MARF1: variants seen among roughly 807,000 people sequenced by gnomAD.
MARF1 encodes meiosis regulator and mRNA stability factor 1.
In MARF1, 24 loss-of-function variants were observed where a neutral mutation model predicts 168.2. The observed-to-expected ratio is 0.14, with a 90% CI of 0.10 to 0.20. The LOEUF is 0.20. Ranked by LOEUF, MARF1 falls within the 10% of genes least tolerant of loss-of-function variation. MARF1 has a pLI of 1.00. For missense variants in MARF1, 1,744 were observed against 2,143.6 expected (o/e 0.81, Z 3.68); for synonymous variants, 868 against 822.4 (o/e 1.06, Z -0.95).
At chr16:15,622,824 T>C in intron 11 of MARF1, 110 bp downstream of exon 11, 1 of 819,526 alleles carries the variant, frequency 1.2e-6, no homozygotes, top group Non-Finnish European at 1.8e-6. Context: ...TTCAAACTTG[T>C]TCAGTCACAC....
chr16:15,610,833 A>G, intron 19 of MARF1, 142 bp downstream of exon 19: 1 of 759,562 alleles, frequency 1.3e-6, no homozygotes, highest in Admixed American at 2.6e-5. Flanking sequence ...CAGAATCCAA[A>G]GAGCAGCAGT....
chr16:15,628,683 T>C (rs1444607915), intron 7 of MARF1, among the ~76,000 whole-genome samples: 1 of 152,184 alleles, frequency 6.6e-6, no homozygotes, highest in Non-Finnish European at 1.5e-5. Flanking sequence ...CCCAAAGTAC[T>C]GGGATTGCAG....
chr16:15,596,702 G>C lies in MARF1; in HGVS notation c.5220C>G (p.Thr1740=). 1 of 1,596,374 alleles carries C rather than the reference G, an allele frequency of 6.3e-7. No homozygotes were observed. The highest frequency in any genetic ancestry group is 8.6e-7 in the Non-Finnish European group (1 of 1,166,674). ...ATATTCCAAATGGGAGTTAAAGCTT[G>C]GTTATAGGTGCTAAGGAAAAGTTGG... ...LAANFSLAPI[T]KL The change falls in exon 27 of 27, where the codon ACC becomes ACG. Residue 1740 remains threonine, a synonymous_variant. Coordinates refer to ENST00000396368, the MANE Select transcript of MARF1 (RefSeq NM_014647.4).
intron 5 of MARF1, among the ~76,000 whole-genome samples, chr16:15,632,048 T>C (rs1051993934): frequency 6.6e-6 from 1 of 152,238 alleles, no homozygotes; most frequent in Non-Finnish European, 1.5e-5. Flanking sequence ...AAAATTCTTA[T>C]TACTATTGGG....
intron 2 of MARF1, among the ~76,000 whole-genome samples, chr16:15,637,499 A>G (rs770078072): frequency 7.2e-5 from 11 of 152,244 alleles, no homozygotes; most frequent in Admixed American, 2.6e-4. Flanking sequence ...TGACCAGCCA[A>G]TGAACTGCCC....
At chr16:15,620,556 G>C (rs1229941647) in intron 12 of MARF1, 25 bp from the exon 13 acceptor site, 21 of 1,472,342 alleles carry the variant, frequency 1.4e-5, no homozygotes, top group Non-Finnish European at 2.0e-5. Context: ...TTTGATTAGG[G>C]AACAGACCAT....
Position 15,617,390 on chromosome 16 carries a change from C to T in MARF1, c.2866G>A (p.Gly956Ser), listed in dbSNP as rs753997957. The change falls in exon 14 of 27, where the codon GGC (glycine) becomes AGC (serine). Residue 956 changes from glycine to serine, a missense_variant. By Grantham distance (56) the Gly-to-Ser change is moderately conservative. Around this residue, in one of 7 missense-constraint regions of MARF1, gnomAD observed 543 missense variants for 742.1 expected, o/e 0.73. Transcript: ENST00000396368. ...SPLGSSQSHD[G>S]SSTNCSPIIF... Reference sequence around the variant, plus strand: ...ATTGGGCTGCAATTCGTGGAGGAGCCGTCGTGTGACTGGGAAGACCCCAAG... The same window carrying T: ...ATTGGGCTGCAATTCGTGGAGGAGCTGTCGTGTGACTGGGAAGACCCCAAG... 9 of 1,614,000 alleles carry T rather than the reference C, an allele frequency of 5.6e-6. No individual in the cohort carries two copies. Among genetic ancestry groups the T allele is most frequent in the Admixed American group, 3.3e-5 (2 of 60,000 alleles).
intron 21 of MARF1, among the ~76,000 whole-genome samples, chr16:15,607,174 A>C (rs1244812041): frequency 6.6e-6 from 1 of 152,104 alleles, no homozygotes; most frequent in African/African-American, 2.4e-5. Flanking sequence ...TCCTCCAACC[A>C]ATCAGTACCT....
At chr16:15,602,532 TAAA>T (rs536701861) in intron 22 of MARF1, 39 of 516,632 alleles carry the variant, frequency 7.5e-5, no homozygotes, top group African/African-American at 1.6e-4. Flanking sequence ...AAGACGACGA[TAAA>T]GAAGACGAAG....
At chr16:15,630,268 G>T in intron 7 of MARF1, 64 bp downstream of exon 7, 1 of 1,472,326 alleles carries the variant, frequency 6.8e-7, no homozygotes, top group Non-Finnish European at 9.2e-7. Context: ...CCTTATTATG[G>T]GCTGTCTTTC....
chr16:15,619,067 G>A (rs2034269115), intron 13 of MARF1, among the ~76,000 whole-genome samples: 1 of 152,154 alleles, frequency 6.6e-6, no homozygotes, highest in Admixed American at 6.5e-5. Context: ...CTTGAAGCCA[G>A]GAGTTCAAGA....
At chr16:15,632,009 C>T (rs888102243) in intron 5 of MARF1, among the ~76,000 whole-genome samples, 1 of 152,082 alleles carries the variant, frequency 6.6e-6, no homozygotes, top group Non-Finnish European at 1.5e-5. Flanking sequence ...TGATGTCTGC[C>T]CATATTTTAA....
chr16:15,617,285 A>G lies in MARF1; in HGVS notation c.2957+14T>C, dbSNP rs2071334. On this transcript the variant is annotated intron_variant, in intron 14 of 26. Coordinates refer to ENST00000396368, the MANE Select transcript of MARF1 (RefSeq NM_014647.4). ...TAGAAAAGAATTACTTCTAAAGGAA[A>G]ACGAACGGCACACCTGAAATCCTTA... 0.028 allele frequency: 45,096 copies of G among 1,612,132 alleles called. 2,319 individuals are homozygous for G. The highest frequency in any genetic ancestry group is 0.24 in the East Asian group (10,940 of 44,848).
chr16:15,629,161 A>G (rs2035076840), intron 7 of MARF1, among the ~76,000 whole-genome samples: 1 of 152,122 alleles, frequency 6.6e-6, no homozygotes, highest in Non-Finnish European at 1.5e-5. Flanking sequence ...AAGGCCTTCA[A>G]AGTTAGAAAA....
rs79352457 is a variant in MARF1 at position 15,598,422 on chromosome 16, C to T, written c.4984+432G>A. On this transcript the variant is annotated intron_variant, in intron 26 of 26. Coordinates refer to ENST00000396368, the MANE Select transcript of MARF1 (RefSeq NM_014647.4). ...GTCTGTTATATCACTGGGCAGAGTC[C>T]GGGGCTCCAGCCACAGACACCTCCC... is the stretch of plus-strand genomic sequence containing the variant. Among the ~76,000 whole-genome samples, 10 of 152,274 alleles carry T rather than the reference C, an allele frequency of 6.6e-5. No homozygotes were observed. In the East Asian group the frequency reaches 1.7e-3, roughly 26 times the overall value.
intron 12 of MARF1, among the ~76,000 whole-genome samples, chr16:15,621,208 G>T (rs2151184847): frequency 6.6e-6 from 1 of 152,150 alleles, no homozygotes; most frequent in South Asian, 2.1e-4. Context: ...GTCCTGTTTT[G>T]CCAGTCTCCC....
In MARF1 at chr16:15,632,099, T is replaced by C. The variant is rs1774147544; in HGVS notation, c.1234-601A>G. On this transcript the variant is annotated intron_variant, in intron 5 of 26. Coordinates refer to ENST00000396368, the MANE Select transcript of MARF1 (RefSeq NM_014647.4). ...CAACAGATCTCAGTAATCTCAACATTGGTTCTTGATATGAACTGGGTTTGT... is the reference window on the plus strand; with the variant it reads ...CAACAGATCTCAGTAATCTCAACATCGGTTCTTGATATGAACTGGGTTTGT... Among the ~76,000 whole-genome samples the C allele has an allele frequency of 2.0e-5, 3 of 152,226 alleles. No homozygotes were observed. In the South Asian group the frequency reaches 6.2e-4, roughly 32 times the overall value.
chr16:15,595,782 T>G lies in MARF1; in HGVS notation c.*911A>C, dbSNP rs954748487. On this transcript the variant is annotated 3_prime_UTR_variant, in exon 27 of 27. Transcript: ENST00000396368. Reference sequence around the variant, plus strand: ...CCAGTGGAAATCGTATTGATCCCGCTGCTGCTGAAGCACCTCCCCACTCAG... The same window carrying G: ...CCAGTGGAAATCGTATTGATCCCGCGGCTGCTGAAGCACCTCCCCACTCAG... 1 of 152,234 alleles carries G rather than the reference T, an allele frequency of 6.6e-6. No homozygotes were observed. The highest frequency in any genetic ancestry group is 2.4e-5 in the African/African-American group (1 of 41,460). 9.4% of individuals were successfully genotyped at this position (152,234 alleles called of 1,614,324 possible). A position where few individuals can be genotyped will look rare whatever the true frequency, so the allele number is the denominator to read the frequency against.
intron 16 of MARF1, among the ~76,000 whole-genome samples, chr16:15,615,016 G>A (rs1419051449): frequency 6.6e-6 from 1 of 152,056 alleles, no homozygotes; most frequent in Non-Finnish European, 1.5e-5. Context: ...CCTGACCTCA[G>A]GTGATTTACC....
Sources: allele counts gnomAD v4.1 joint callset (sites outside exome capture counted in the v4.1 genomes callset), GRCh38; gene constraint gnomAD v4.1.1; regional missense constraint gnomAD v4.1.1; transcripts MANE v1.5; gene names NCBI Gene and HGNC (gene_info 2026-07-23, HGNC 2026-07-21).